GLYR1: variants seen among roughly 807,000 people sequenced by gnomAD.
The protein encoded by GLYR1 is cytokine-like nuclear factor N-PAC.
GLYR1 carries 21 observed loss-of-function variants against 72.7 expected under a neutral mutation model. The ratio of observed to expected loss-of-function variants is 0.29; its 90% CI spans 0.20 to 0.42. The LOEUF is 0.42. GLYR1 is among the 10% of genes least tolerant of loss of function. GLYR1 has a pLI of 1.00. For missense variants in GLYR1, 594 were observed against 712.1 expected (o/e 0.83, Z 1.89); for synonymous variants, 392 against 270.2 (o/e 1.45, Z -4.42).
chr16:4,841,742 C>G (rs891197627), intron 3 of GLYR1, among the ~76,000 whole-genome samples: 2 of 152,142 alleles, frequency 1.3e-5, no homozygotes, highest in African/African-American at 4.8e-5. Flanking sequence ...TTGTTTCAGA[C>G]TTGTGTAATT....
Position 4,804,784 on chromosome 16 carries a change from C to T in GLYR1, c.*452G>A. 5.0e-6 allele frequency: 1 copy of T among 199,138 alleles called. No individual in the cohort carries two copies. The allele number at this position is 199,138 out of a possible 1,614,324, so 12.3% of individuals were successfully genotyped here. A position where few individuals can be genotyped will look rare whatever the true frequency, so the allele number is the denominator to read the frequency against. On this transcript the variant is annotated 3_prime_UTR_variant, in exon 16 of 16. Transcript: ENST00000321919. ...TGGGGGATGGGGACATGACTACAGC[C>T]TCTTCGCTCTGGGGGAAGCTGTGGG...
intron 6 of GLYR1, among the ~76,000 whole-genome samples, chr16:4,823,242 A>T (rs1351336085): frequency 2.0e-5 from 3 of 152,268 alleles, no homozygotes; most frequent in African/African-American, 4.8e-5. Context: ...TTCGGTACTC[A>T]TCAGGCACAG....
At chr16:4,845,013 C>T in intron 3 of GLYR1, 61 bp downstream of exon 3, 1 of 1,092,376 alleles carries the variant, frequency 9.2e-7, no homozygotes, top group South Asian at 1.3e-5. Flanking sequence ...TTCAAAGCAG[C>T]TCAGACTCCA....
At chr16:4,821,288 G>T in intron 9 of GLYR1, 92 bp downstream of exon 9, 1 of 1,283,190 alleles carries the variant, frequency 7.8e-7, no homozygotes, top group Non-Finnish European at 1.1e-6. Flanking sequence ...CAATGGCTGG[G>T]ACACAACCCT....
intron 15 of GLYR1, 134 bp downstream of exon 15, chr16:4,811,036 C>T (rs1013302337): frequency 2.2e-5 from 24 of 1,086,582 alleles, no homozygotes; most frequent in South Asian, 3.4e-5. Context: ...AACCAGGAGG[C>T]GGAGGTTGCA....
rs746300579 is a variant in GLYR1, at chr16:4,832,777, G to A, written c.291C>T (p.Asp97=). The A allele has an allele frequency of 3.7e-6, 6 of 1,608,568 alleles. No individual in the cohort carries two copies. Among genetic ancestry groups the A allele is most frequent in the East Asian group, 2.2e-5 (1 of 44,692 alleles). ...AAGTGAACATTGTGTCTCTCACCTG[G>A]TCTTTCCCTTTGGCTCTCCTGAGGA... ...EEFLRRAKGK[D]QTSSHNSSDD... The change falls in exon 4 of 16, where the codon GAC becomes GAT. Residue 97 remains aspartate, a synonymous_variant. Coordinates refer to ENST00000321919, the MANE Select transcript of GLYR1 (RefSeq NM_032569.4).
intron 3 of GLYR1, among the ~76,000 whole-genome samples, chr16:4,836,816 A>T (rs1359449817): frequency 6.6e-6 from 1 of 151,246 alleles, no homozygotes; most frequent in Non-Finnish European, 1.5e-5. Flanking sequence ...TATATTGGAA[A>T]AAAAAAAAAA....
At chr16:4,821,918 C>T (rs1318510619) in intron 7 of GLYR1, among the ~76,000 whole-genome samples, 1 of 152,216 alleles carries the variant, frequency 6.6e-6, no homozygotes, top group Non-Finnish European at 1.5e-5. Context: ...ACCTTGCAGA[C>T]CTTGGGAGGA....
At position 4,804,768 on chromosome 16, in the gene GLYR1, G is replaced by GGGACATGACTACAGCCTCTTCGC. The variant is rs1277081930; in HGVS notation, c.*445_*467dup. 5 of 184,002 alleles carry GGGACATGACTACAGCCTCTTCGC rather than the reference G, an allele frequency of 2.7e-5. No individual in the cohort carries two copies. The highest frequency in any genetic ancestry group is 5.9e-5 in the Non-Finnish European group (5 of 85,224). 11.4% of individuals were successfully genotyped at this position (184,002 alleles called of 1,614,324 possible). Reference sequence around the variant, plus strand: ...CTTGTAGGGAATCCAGTGGGGGATGGGGACATGACTACAGCCTCTTCGCTC... The same window carrying GGGACATGACTACAGCCTCTTCGC: ...CTTGTAGGGAATCCAGTGGGGGATGGGGACATGACTACAGCCTCTTCGCGGACATGACTACAGCCTCTTCGCTC... On this transcript the variant is annotated 3_prime_UTR_variant, in exon 16 of 16. Coordinates refer to ENST00000321919, the MANE Select transcript of GLYR1 (RefSeq NM_032569.4).
chr16:4,820,204 G>C (rs1229109531), intron 9 of GLYR1, among the ~76,000 whole-genome samples: 1 of 152,192 alleles, frequency 6.6e-6, no homozygotes, highest in Non-Finnish European at 1.5e-5. Context: ...GGCCAGGCTG[G>C]TCTTGAACTC....
chr16:4,834,533 G>C (rs1029317335), intron 3 of GLYR1, among the ~76,000 whole-genome samples: 1 of 151,620 alleles, frequency 6.6e-6, no homozygotes, highest in Non-Finnish European at 1.5e-5. Flanking sequence ...CACGATCTTA[G>C]CTAACTGCGA....
At chr16:4,839,416 GCT>G (rs1436907918) in intron 3 of GLYR1, 1 of 152,172 alleles carries the variant, frequency 6.6e-6, no homozygotes, top group South Asian at 2.1e-4. Flanking sequence ...TAAACCGTGA[GCT>G]CTGTCTCTAC....
intron 5 of GLYR1, 69 bp downstream of exon 5, chr16:4,831,910 G>T: frequency 6.4e-7 from 1 of 1,557,312 alleles, no homozygotes; most frequent in Non-Finnish European, 8.7e-7. Flanking sequence ...TAAGCATACT[G>T]TAGAGCTTAA....
chr16:4,844,597 C>T (rs2085830026), intron 3 of GLYR1, among the ~76,000 whole-genome samples: 1 of 152,042 alleles, frequency 6.6e-6, no homozygotes, highest in Admixed American at 6.6e-5. Context: ...ATGGTAAAAC[C>T]CCCTCTACAA....
At position 4,805,260 on chromosome 16, in the gene GLYR1, G is replaced by A. The variant is rs765582503; in HGVS notation, c.1638C>T (p.Ala546=). The part of the protein sequence containing the change: ...ALDQSDNDMS[A]VYRAYIH Reference sequence around the variant, plus strand: ...CTTAGTGTATGTAGGCTCGGTACACGGCGGACATATCGTTGTCAGACTGGT... The same window carrying A: ...CTTAGTGTATGTAGGCTCGGTACACAGCGGACATATCGTTGTCAGACTGGT... The change falls in exon 16 of 16, where the codon GCC becomes GCT. Residue 546 remains alanine, a synonymous_variant. Coordinates refer to ENST00000321919, the MANE Select transcript of GLYR1 (RefSeq NM_032569.4). The A allele has an allele frequency of 1.8e-5, 29 of 1,613,938 alleles. No homozygotes were observed. The highest frequency in any genetic ancestry group is 2.2e-5 in the South Asian group (2 of 91,036).
chr16:4,830,042 G>T (rs1158272719), intron 5 of GLYR1, among the ~76,000 whole-genome samples: 2 of 152,016 alleles, frequency 1.3e-5, no homozygotes, highest in Non-Finnish European at 2.9e-5. Flanking sequence ...GGGCTCAGGG[G>T]ATCCTCCTGC....
chr16:4,812,824 T>C (rs1375302872), intron 12 of GLYR1, among the ~76,000 whole-genome samples: 1 of 143,954 alleles, frequency 6.9e-6, no homozygotes, highest in African/African-American at 2.6e-5. Context: ...TGAGACAGAG[T>C]CTTGCTCTGT....
At chr16:4,846,129 T>G in intron 2 of GLYR1, 45 bp downstream of exon 2, 1 of 1,609,106 alleles carries the variant, frequency 6.2e-7, no homozygotes, top group Non-Finnish European at 8.5e-7. Flanking sequence ...CTCCACCTCT[T>G]CAAACCCAAC....
intron 3 of GLYR1, among the ~76,000 whole-genome samples, chr16:4,841,887 C>A (rs543390074): frequency 6.6e-6 from 1 of 152,218 alleles, no homozygotes; most frequent in Non-Finnish European, 1.5e-5. Context: ...TCCCCACTGT[C>A]TGAAATGCCC....
Sources: allele counts gnomAD v4.1 joint callset (sites outside exome capture counted in the v4.1 genomes callset), GRCh38; gene constraint gnomAD v4.1.1; transcripts MANE v1.5; gene names NCBI Gene and HGNC (gene_info 2026-07-23, HGNC 2026-07-21).